Variants in RIGI observed in about 807,000 individuals in gnomAD.
RIGI encodes antiviral innate immune response receptor RIG-I.
the RIGI span, among the ~76,000 whole-genome samples, chr9:32,490,547 C>T: frequency 7.2e-5 from 11 of 152,080 alleles, no homozygotes; most frequent in South Asian, 1.2e-3. Flanking sequence ...CAGTTGCAGA[C>T]GTAATCTGCA....
chr9:32,499,952 T>C, the RIGI span, among the ~76,000 whole-genome samples: 2 of 152,330 alleles, frequency 1.3e-5, no homozygotes, highest in Non-Finnish European at 2.9e-5. Context: ...TTATTCTGTT[T>C]ATAAATGCTA....
At chr9:32,523,536 C>T in the RIGI span, among the ~76,000 whole-genome samples, 1 of 152,118 alleles carries the variant, frequency 6.6e-6, no homozygotes, top group South Asian at 2.1e-4. Flanking sequence ...TCATTTCCAC[C>T]CTGTCCTCAC....
chr9:32,489,779 G>A, the RIGI span, among the ~76,000 whole-genome samples: 1 of 152,146 alleles, frequency 6.6e-6, no homozygotes, highest in Non-Finnish European at 1.5e-5. Context: ...TGCTGTATGT[G>A]AAAAAAGCAA....
the RIGI span, chr9:32,459,458 T>G: frequency 1.2e-6 from 2 of 1,613,472 alleles, no homozygotes; most frequent in Non-Finnish European, 1.7e-6. Flanking sequence ...CAGGTACAGG[T>G]TTTGGTTTTT....
the RIGI span, among the ~76,000 whole-genome samples, chr9:32,505,807 T>A: frequency 6.6e-6 from 1 of 152,250 alleles, no homozygotes; most frequent in South Asian, 2.1e-4. Context: ...TGTATTCCTT[T>A]AACACGAAAC....
At chr9:32,464,629 G>T in the RIGI span, among the ~76,000 whole-genome samples, 1 of 151,960 alleles carries the variant, frequency 6.6e-6, no homozygotes, top group Non-Finnish European at 1.5e-5. Flanking sequence ...CACCCGCCTC[G>T]GCCTCCCAAA....
At chr9:32,462,872 C>G in the RIGI span, among the ~76,000 whole-genome samples, 2 of 152,184 alleles carry the variant, frequency 1.3e-5, no homozygotes, top group Non-Finnish European at 2.9e-5. Flanking sequence ...AACAAATATA[C>G]TGGCTGGGCA....
the RIGI span, among the ~76,000 whole-genome samples, chr9:32,497,785 T>TA: frequency 0.015 from 2,215 of 152,026 alleles, 67 homozygotes; most frequent in African/African-American, 0.052. Context: ...AATAAATAAA[T>TA]AATTCTGCCA....
At chr9:32,484,828 A>G in the RIGI span, among the ~76,000 whole-genome samples, 143,048 of 152,196 alleles carry the variant, frequency 0.94, 67,246 homozygotes, top group East Asian at 1. Flanking sequence ...TTGTCCCTAG[A>G]TATAAATCTG....
the RIGI span, among the ~76,000 whole-genome samples, chr9:32,464,984 C>T: frequency 6.6e-6 from 1 of 152,330 alleles, no homozygotes; most frequent in Admixed American, 6.5e-5. Context: ...CCTCTCTCTT[C>T]CTCAACAGAC....
At chr9:32,487,896 T>A in the RIGI span, 3 of 1,592,876 alleles carry the variant, frequency 1.9e-6, no homozygotes, top group Non-Finnish European at 2.6e-6. Flanking sequence ...AAAATAGGAG[T>A]TAGGAAGATT....
the RIGI span, among the ~76,000 whole-genome samples, chr9:32,523,036 A>G: frequency 2.6e-5 from 4 of 152,196 alleles, no homozygotes; most frequent in Admixed American, 1.3e-4. Flanking sequence ...CTCATTTATC[A>G]TGATTGCTTC....
the RIGI span, among the ~76,000 whole-genome samples, chr9:32,478,125 C>T: frequency 5.3e-5 from 8 of 151,862 alleles, no homozygotes; most frequent in African/African-American, 1.9e-4. Context: ...CTCACTGCAA[C>T]CTCTGCTTTC....
the RIGI span, among the ~76,000 whole-genome samples, chr9:32,506,372 A>G: frequency 1.3e-5 from 2 of 152,224 alleles, no homozygotes; most frequent in African/African-American, 2.4e-5. Flanking sequence ...AATTTGCTCA[A>G]TCTTCATAAC....
At chr9:32,501,672 A>G in the RIGI span, among the ~76,000 whole-genome samples, 6 of 152,168 alleles carry the variant, frequency 3.9e-5, no homozygotes, top group African/African-American at 7.2e-5. Context: ...GATACTTGAT[A>G]ATTTTCTGGG....
chr9:32,489,478 C>A, the RIGI span: 2 of 1,452,556 alleles, frequency 1.4e-6, no homozygotes, highest in South Asian at 1.1e-5. Flanking sequence ...GCAAAATTAC[C>A]AAACAGTTCC....
the RIGI span, among the ~76,000 whole-genome samples, chr9:32,496,458 G>A: frequency 6.6e-6 from 1 of 152,108 alleles, no homozygotes; most frequent in Non-Finnish European, 1.5e-5. Flanking sequence ...GACCAAAACA[G>A]AACAAAAAGG....
At chr9:32,480,465 A>G in the RIGI span, 2 of 1,106,490 alleles carry the variant, frequency 1.8e-6, no homozygotes, top group Admixed American at 3.0e-5. Context: ...TTTTCTTTTC[A>G]AATCTATTCC....
the RIGI span, among the ~76,000 whole-genome samples, chr9:32,497,766 GAATA>G: frequency 6.6e-6 from 1 of 150,796 alleles, no homozygotes; most frequent in African/African-American, 2.4e-5. Flanking sequence ...ATGAATGAAT[GAATA>G]AATAAATAAA....
Sources: allele counts gnomAD v4.1 joint callset (sites outside exome capture counted in the v4.1 genomes callset), GRCh38; gene constraint gnomAD v4.1.1; transcripts MANE v1.5; gene names NCBI Gene and HGNC (gene_info 2026-07-23, HGNC 2026-07-21).